The following TRPC5 variants were observed in gnomAD, a reference collection of about 807,000 sequenced individuals.
TRPC5 encodes transient receptor potential cation channel subfamily C member 5, also known as short transient receptor potential channel 5.
Under a neutral mutation model 56.5 loss-of-function variants are expected in TRPC5, and 9 were observed. The ratio of observed to expected loss-of-function variants is 0.16; its 90% CI spans 0.10 to 0.28. TRPC5 has a LOEUF of 0.28. Ranked by LOEUF, TRPC5 falls within the 10% of genes least tolerant of loss-of-function variation. TRPC5 has a pLI of 1.00. For missense variants in TRPC5, 469 were observed against 748.9 expected, an observed-to-expected ratio of 0.63 and a Z score of 4.36; for synonymous variants, 282 against 278.5, an observed-to-expected ratio of 1.01 and a Z score of -0.13.
intron 3 of TRPC5, among the ~76,000 whole-genome samples, chrX:111,882,170 T>C (rs1053954009): frequency 1.8e-5 from 2 of 112,215 alleles, no homozygotes; most frequent in Non-Finnish European, 3.8e-5. Context: ...GGAAGAAGTT[T>C]TACAGACCAT....
At chrX:111,912,219 T>C (rs1466629365) in intron 3 of TRPC5, 72 bp downstream of exon 3, 10 of 1,093,361 alleles carry the variant, frequency 9.1e-6, no homozygotes, top group Admixed American at 3.0e-5. Context: ...AGAAAAATGC[T>C]GATTCTTGCT....
At chrX:111,844,267 T>TTTG (rs1284462399) in intron 6 of TRPC5, among the ~76,000 whole-genome samples, 1 of 110,228 alleles carries the variant, frequency 9.1e-6, no homozygotes, top group East Asian at 2.9e-4. Context: ...TCACAAGTCC[T>TTTG]TTGTCTTCAG....
intron 1 of TRPC5, among the ~76,000 whole-genome samples, chrX:111,969,020 T>C (rs867927538): frequency 1.0e-3 from 92 of 90,902 alleles, no homozygotes; most frequent in African/African-American, 3.7e-3. Context: ...TAAAATAAAA[T>C]AAAAACAACA....
chrX:111,847,042 G>A, intron 6 of TRPC5, 72 bp downstream of exon 6: 2 of 1,079,292 alleles, frequency 1.9e-6, no homozygotes, highest in Non-Finnish European at 2.5e-6. Flanking sequence ...CTGAAAACAG[G>A]ACAAAAATGG....
chrX:111,985,181 G>A (rs896325327), intron 1 of TRPC5, among the ~76,000 whole-genome samples: 5 of 112,081 alleles, frequency 4.5e-5, no homozygotes, highest in Non-Finnish European at 7.5e-5. Context: ...CTTTTCCACC[G>A]TAATGGCTCA....
chrX:111,905,777 T>A (rs1426427726), intron 3 of TRPC5, among the ~76,000 whole-genome samples: 5 of 108,512 alleles, frequency 4.6e-5, no homozygotes, highest in Non-Finnish European at 9.5e-5. Context: ...TAGCTGGGCG[T>A]GGTGGCGGGC....
rs767071893 is a variant in TRPC5 at position 111,790,203 on chromosome X, T to C, written c.1897-8065A>G. On this transcript the variant is annotated intron_variant, in intron 7 of 10. Coordinates refer to ENST00000262839, the MANE Select transcript of TRPC5 (RefSeq NM_012471.3). Reference sequence around the variant, plus strand: ...GACTGGATAAAGAAAATGTGGCACATATACACCATGGAATACTATGCAGCC... The same window carrying C: ...GACTGGATAAAGAAAATGTGGCACACATACACCATGGAATACTATGCAGCC... Among the ~76,000 whole-genome samples the C allele has an allele frequency of 1.1e-4, 12 of 111,818 alleles. No homozygotes were observed. The East Asian group carries it at 2.0e-3, about 18-fold the overall frequency.
In TRPC5 at chrX:111,957,557, C is replaced by T. The variant is rs770790110; in HGVS notation, c.-21-5116G>A. Among the ~76,000 whole-genome samples the T allele has an allele frequency of 3.6e-5, 4 of 111,775 alleles. No homozygotes were observed. In the East Asian group the frequency reaches 8.4e-4, roughly 24 times the overall value. Reference sequence around the variant, plus strand: ...GGTTAAGTAATTTTTTAAGGTCACGCAGCTAGTAAGTGGTGGGAATGGGAT... The same window carrying T: ...GGTTAAGTAATTTTTTAAGGTCACGTAGCTAGTAAGTGGTGGGAATGGGAT... On this transcript the variant is annotated intron_variant, in intron 1 of 10. Transcript: ENST00000262839.
At chrX:111,824,837 T>C (rs1922140595) in intron 7 of TRPC5, among the ~76,000 whole-genome samples, 1 of 112,086 alleles carries the variant, frequency 8.9e-6, no homozygotes, top group African/African-American at 3.2e-5. Flanking sequence ...TAAAGTATGG[T>C]AGGCAGAGAA....
At chrX:112,075,722 T>C (rs367694024) in intron 1 of TRPC5, among the ~76,000 whole-genome samples, 1 of 111,261 alleles carries the variant, frequency 9.0e-6, no homozygotes, top group East Asian at 2.8e-4. Context: ...GCCAGCTGAG[T>C]TCCCCCTCAT....
intron 1 of TRPC5, among the ~76,000 whole-genome samples, chrX:111,974,839 T>C (rs766876485): frequency 8.9e-6 from 1 of 111,931 alleles, no homozygotes; most frequent in East Asian, 2.8e-4. Context: ...CCCACAAAAA[T>C]TGTTTTTAAA....
In TRPC5 at chrX:111,771,754, A is replaced by G. The variant is rs1945844659; in HGVS notation, c.*4559T>C. 9.2e-6 allele frequency among the ~76,000 whole-genome samples: 1 copy of G among 108,211 alleles called. No individual in the cohort carries two copies. Among genetic ancestry groups the G allele is most frequent in the Non-Finnish European group, 1.9e-5 (1 of 52,704 alleles). 94.0% of individuals were successfully genotyped at this position (108,211 alleles called of 115,157 possible). A position where few individuals can be genotyped will look rare whatever the true frequency, so the allele number is the denominator to read the frequency against. Reference sequence around the variant, plus strand: ...TGTGTATATTTAAGTCTTCCAGGTAAGTTATTCTGACCTAAATGCTTTTTT... The same window carrying G: ...TGTGTATATTTAAGTCTTCCAGGTAGGTTATTCTGACCTAAATGCTTTTTT... On this transcript the variant is annotated 3_prime_UTR_variant, in exon 11 of 11. Transcript: ENST00000262839.
At chrX:112,003,523 T>C (rs73548178) in intron 1 of TRPC5, among the ~76,000 whole-genome samples, 18,687 of 110,084 alleles carry the variant, frequency 0.17, 3,120 homozygotes, top group African/African-American at 0.52. Flanking sequence ...GGGTGTTTCT[T>C]AATGTGAGTG....
chrX:111,973,288 G>A (rs772785501), intron 1 of TRPC5, among the ~76,000 whole-genome samples: 21 of 111,696 alleles, frequency 1.9e-4, no homozygotes, highest in Admixed American at 9.6e-5. Context: ...TTCTTACTTA[G>A]CTATGTACCA....
At chrX:111,893,986 C>T (rs969911410) in intron 3 of TRPC5, among the ~76,000 whole-genome samples, 20 of 111,275 alleles carry the variant, frequency 1.8e-4, no homozygotes, top group Non-Finnish European at 7.5e-5. Context: ...AAGAGGGTAA[C>T]GAGAAGTTAT....
chrX:111,910,639 C>T (rs1925787748), intron 3 of TRPC5, among the ~76,000 whole-genome samples: 1 of 112,454 alleles, frequency 8.9e-6, no homozygotes, highest in African/African-American at 3.2e-5. Context: ...TCAAGCGATT[C>T]TCGTGTCTCA....
intron 1 of TRPC5, among the ~76,000 whole-genome samples, chrX:112,014,017 A>C (rs1260995170): frequency 8.9e-6 from 1 of 112,190 alleles, no homozygotes; most frequent in Non-Finnish European, 1.9e-5. Flanking sequence ...TCAAGCATGC[A>C]TCAGGGTTGC....
Position 111,779,045 on chromosome X carries a change from A to G in TRPC5, c.2172T>C (p.Tyr724=), listed in dbSNP as rs1418884867. The G allele has an allele frequency of 8.3e-7, 1 of 1,204,360 alleles. No homozygotes were observed. The highest frequency in any genetic ancestry group is 2.2e-5 in the Admixed American group (1 of 45,250). The stretch of plus-strand genomic sequence containing the variant: ...TGGAATTTCTTATCATAGCAGCCAC[A>G]TATCTTTTGACTAAATTCCTGATAA... ...QEVIRNLVKR[Y]VAAMIRNSKT... is the part of the protein sequence containing the mutation. Residue 724 remains tyrosine (Y), a synonymous_variant, in exon 10 of 11, where the codon TAT becomes TAC. Transcript: ENST00000262839.
intron 2 of TRPC5, among the ~76,000 whole-genome samples, chrX:111,927,832 A>G (rs1402510960): frequency 9.7e-6 from 1 of 103,390 alleles, no homozygotes; most frequent in East Asian, 2.9e-4. Flanking sequence ...TTTTTTTTTA[A>G]CTATTATCCC....
Sources: gnomAD v4.1 joint callset for allele counts (sites outside exome capture counted in the v4.1 genomes callset) on GRCh38, gnomAD v4.1.1 for gene constraint, MANE v1.5 for transcripts, NCBI Gene and HGNC (gene_info 2026-07-23, HGNC 2026-07-21) for gene names.